Variants in TRIM9 observed in about 807,000 individuals in gnomAD.
The protein encoded by TRIM9 is tripartite motif containing 9, also known as E3 ubiquitin-protein ligase TRIM9.
Under a neutral mutation model 78.3 loss-of-function variants are expected in TRIM9, and 26 were observed. That is an observed-to-expected ratio of 0.33 (90% CI 0.24 to 0.46). TRIM9 has a LOEUF of 0.46. Among genes scored for constraint, TRIM9 ranks in the 20% least tolerant of loss-of-function variants. TRIM9 has a pLI of 1.00. For missense variants in TRIM9, 787 were observed against 1,036.4 expected (o/e 0.76, Z 3.30); for synonymous variants, 398 against 416.5 (o/e 0.96, Z 0.54).
intron 1 of TRIM9, among the ~76,000 whole-genome samples, chr14:51,052,618 A>C (rs1247902193): frequency 6.6e-6 from 1 of 152,236 alleles, no homozygotes; most frequent in Non-Finnish European, 1.5e-5. Context: ...CCTCTGATTT[A>C]AAGTAGGAAT....
intron 1 of TRIM9, among the ~76,000 whole-genome samples, chr14:51,026,521 C>T (rs570874150): frequency 6.2e-4 from 95 of 152,296 alleles, no homozygotes; most frequent in African/African-American, 2.2e-3. Flanking sequence ...CAGAGACAGA[C>T]TCCCTTTCCT....
Position 51,087,598 on chromosome 14 carries a change from T to G in TRIM9, c.822+6520A>C, listed in dbSNP as rs78002526. Among the ~76,000 whole-genome samples the G allele has an allele frequency of 9.3e-4, 141 of 152,318 alleles. 1 individual carries two copies. The highest frequency in any genetic ancestry group is 3.3e-3 in the African/African-American group (138 of 41,582). On this transcript the variant is annotated intron_variant, in intron 1 of 12. Transcript: ENST00000684578. Reference sequence around the variant, plus strand: ...TGCTTAACAAAACCTAGATGGTCTCTGATAGTGTAGGTACACTGTGGTGGC... The same window carrying G: ...TGCTTAACAAAACCTAGATGGTCTCGGATAGTGTAGGTACACTGTGGTGGC...
intron 3 of TRIM9, among the ~76,000 whole-genome samples, chr14:51,013,199 T>A (rs2056776621): frequency 6.6e-6 from 1 of 151,494 alleles, no homozygotes; most frequent in Non-Finnish European, 1.5e-5. Context: ...CATTTTTGGA[T>A]ATGGAGTTAG....
intron 2 of TRIM9, among the ~76,000 whole-genome samples, chr14:51,024,610 A>T (rs2058053158): frequency 6.6e-6 from 1 of 152,176 alleles, no homozygotes; most frequent in African/African-American, 2.4e-5. Flanking sequence ...TATAGTGGAG[A>T]ATTTATGAGC....
Position 51,069,124 on chromosome 14 carries a change from C to G in TRIM9, c.822+24994G>C, listed in dbSNP as rs142007341. ...AATTGAATGTGAGAACTGATGGACT[C>G]TAGAAATGGAATCAGTCTGAGAGAG... On this transcript the variant is annotated intron_variant, in intron 1 of 12. Coordinates refer to ENST00000684578, the MANE Select transcript of TRIM9 (RefSeq NM_001387360.1). 5.6e-3 allele frequency among the ~76,000 whole-genome samples: 848 copies of G among 152,258 alleles called. 14 individuals carry two copies. Among genetic ancestry groups the G allele is most frequent in the African/African-American group, 0.02 (813 of 41,552 alleles).
intron 1 of TRIM9, among the ~76,000 whole-genome samples, chr14:51,057,111 A>C (rs749337751): frequency 2.0e-5 from 3 of 152,188 alleles, no homozygotes; most frequent in Non-Finnish European, 4.4e-5. Flanking sequence ...GCATGGCCAC[A>C]GATGCTGTGC....
intron 1 of TRIM9, among the ~76,000 whole-genome samples, chr14:51,077,753 C>T (rs534918532): frequency 1.0e-3 from 157 of 152,244 alleles, no homozygotes; most frequent in Non-Finnish European, 1.7e-3. Context: ...GGAAAAGACA[C>T]GGATATGAAA....
intron 3 of TRIM9, among the ~76,000 whole-genome samples, chr14:51,019,066 C>A (rs973763924): frequency 2.0e-5 from 3 of 152,200 alleles, no homozygotes; most frequent in Non-Finnish European, 2.9e-5. Context: ...GCATAGATTT[C>A]ATTAATGGCA....
At chr14:51,053,402 A>T (rs1399835686) in intron 1 of TRIM9, among the ~76,000 whole-genome samples, 3 of 151,732 alleles carry the variant, frequency 2.0e-5, no homozygotes, top group Non-Finnish European at 2.9e-5. Context: ...TTCAACTCAA[A>T]TGCAGAAAAG....
At chr14:51,051,218 C>T (rs571393039) in intron 1 of TRIM9, among the ~76,000 whole-genome samples, 1 of 152,254 alleles carries the variant, frequency 6.6e-6, no homozygotes, top group South Asian at 2.1e-4. Flanking sequence ...CTTCGTTGTT[C>T]CTGAAAATTT....
rs1396214777 is a variant in TRIM9, at chr14:51,054,413, C to A, written c.823-29053G>T. ...TCAGCCTCCCGAGTAGCTGAGACTA[C>A]AGGCGTAGGCCACCATGCCCAGCTG... On this transcript the variant is annotated intron_variant, in intron 1 of 12. Coordinates refer to ENST00000684578, the MANE Select transcript of TRIM9 (RefSeq NM_001387360.1). 8.6e-5 allele frequency among the ~76,000 whole-genome samples: 13 copies of A among 150,708 alleles called. No homozygotes were observed. The Admixed American group carries it at 8.6e-4, about 10-fold the overall frequency.
chr14:51,044,647 TAAGTCCCGGATGA>T (rs2059810500), intron 1 of TRIM9, among the ~76,000 whole-genome samples: 3 of 152,226 alleles, frequency 2.0e-5, no homozygotes, highest in African/African-American at 7.2e-5. Flanking sequence ...AGAAGTAACC[TAAGTCCCGGATGA>T]CAGTGCAGCC....
In TRIM9 at chr14:51,068,757, C is replaced by T. The variant is rs114433559; in HGVS notation, c.822+25361G>A. 7.4e-3 allele frequency among the ~76,000 whole-genome samples: 1,131 copies of T among 152,248 alleles called. 10 individuals carry two copies. Among genetic ancestry groups the T allele is most frequent in the African/African-American group, 0.026 (1,090 of 41,534 alleles). On this transcript the variant is annotated intron_variant, in intron 1 of 12. Transcript: ENST00000684578. Reference sequence around the variant, plus strand: ...AAGAGGAGGTGTGATGAGGCCAGCCCATGTTGCAGAACCAAGGTTTAAACC... The same window carrying T: ...AAGAGGAGGTGTGATGAGGCCAGCCTATGTTGCAGAACCAAGGTTTAAACC...
At chr14:51,029,265 A>G (rs2058522346) in intron 1 of TRIM9, among the ~76,000 whole-genome samples, 1 of 152,168 alleles carries the variant, frequency 6.6e-6, no homozygotes, top group African/African-American at 2.4e-5. Flanking sequence ...GGTCACTCGA[A>G]GAGTTGGTAC....
chr14:51,044,697 A>G (rs2059815558), intron 1 of TRIM9, among the ~76,000 whole-genome samples: 1 of 152,192 alleles, frequency 6.6e-6, no homozygotes, highest in South Asian at 2.1e-4. Flanking sequence ...CTTTCATTGT[A>G]TTTATATTAT....
At chr14:51,011,166 T>C (rs1266649536) in intron 3 of TRIM9, among the ~76,000 whole-genome samples, 2 of 152,220 alleles carry the variant, frequency 1.3e-5, no homozygotes, top group Non-Finnish European at 2.9e-5. Context: ...AGAGCAGTTG[T>C]AAAGGCTGCT....
chr14:51,029,627 T>C (rs538199359), intron 1 of TRIM9, among the ~76,000 whole-genome samples: 18 of 152,336 alleles, frequency 1.2e-4, no homozygotes, highest in Middle Eastern at 3.4e-3. Flanking sequence ...TCAAAAAGTG[T>C]AAGCAAGAAA....
intron 7 of TRIM9, among the ~76,000 whole-genome samples, chr14:50,986,762 C>T (rs190824166): frequency 1.3e-5 from 2 of 152,222 alleles, no homozygotes; most frequent in East Asian, 3.9e-4. Flanking sequence ...AAGAGCCTTA[C>T]CTTTGTTTCT....
chr14:51,015,032 A>G (rs1391866529), intron 3 of TRIM9, among the ~76,000 whole-genome samples: 1 of 152,200 alleles, frequency 6.6e-6, no homozygotes, highest in Non-Finnish European at 1.5e-5. Flanking sequence ...GGCTTTTAAA[A>G]TTTTATCAGC....
Sources: allele counts gnomAD v4.1 joint callset (sites outside exome capture counted in the v4.1 genomes callset), GRCh38; gene constraint gnomAD v4.1.1; transcripts MANE v1.5; gene names NCBI Gene and HGNC (gene_info 2026-07-23, HGNC 2026-07-21).